TUBGCP5: variants seen among roughly 807,000 people sequenced by gnomAD.
The protein encoded by TUBGCP5 is tubulin gamma complex component 5, also known as gamma-tubulin complex component 5.
In TUBGCP5, 98 loss-of-function variants were observed where a neutral mutation model predicts 134.7. That is an observed-to-expected ratio of 0.73 (90% CI 0.62 to 0.86). The LOEUF (loss-of-function observed/expected upper bound fraction) is 0.86, where lower values mean the gene tolerates loss of function less well. Among genes scored for constraint, TUBGCP5 ranks in the 40% least tolerant of loss-of-function variants. The pLI is 0.00. For missense variants in TUBGCP5, 1,150 were observed against 1,244.8 expected (o/e 0.92, Z 1.15); for synonymous variants, 456 against 431.4 (o/e 1.06, Z -0.71).
In TUBGCP5 at chr15:23,037,905, C is replaced by T. The variant is rs529939842; in HGVS notation, c.147-753G>A. Among the ~76,000 whole-genome samples, 11 of 152,304 alleles carry T rather than the reference C, an allele frequency of 7.2e-5. No homozygotes were observed. The South Asian group carries it at 2.3e-3, about 32-fold the overall frequency. On this transcript the variant is annotated intron_variant, in intron 1 of 22. Coordinates refer to ENST00000615383, the MANE Select transcript of TUBGCP5 (RefSeq NM_052903.6). The stretch of plus-strand genomic sequence containing the variant: ...TCAGCCTCCCAAGTAGCTGGGACTA[C>T]AGGCGCCTGCCACCACGCCCGGCTA...
chr15:22,984,602 G>C (rs1211894900), intron 23 of TUBGCP5, among the ~76,000 whole-genome samples: 1 of 151,448 alleles, frequency 6.6e-6, no homozygotes, highest in Non-Finnish European at 1.5e-5. Flanking sequence ...CCTGGCAACA[G>C]AGAGAGACTC....
At chr15:23,025,757 G>C (rs1179783903) in intron 8 of TUBGCP5, among the ~76,000 whole-genome samples, 1 of 151,714 alleles carries the variant, frequency 6.6e-6, no homozygotes, top group Non-Finnish European at 1.5e-5. Context: ...CGTGAACCCA[G>C]GAGGTGAAGC....
intron 16 of TUBGCP5, 39 bp from the exon 17 acceptor site, chr15:23,006,391 T>A: frequency 1.4e-6 from 2 of 1,413,372 alleles, no homozygotes; most frequent in Non-Finnish European, 2.0e-6. Flanking sequence ...GTGAAAGCAC[T>A]ATGTCACACA....
At chr15:22,990,745 C>T (rs1436364303) in intron 23 of TUBGCP5, among the ~76,000 whole-genome samples, 1 of 152,160 alleles carries the variant, frequency 6.6e-6, no homozygotes, top group Non-Finnish European at 1.5e-5. Flanking sequence ...AGAGTCTTAG[C>T]AGATCTAAGT....
At chr15:22,995,007 G>A (rs1446387099), downstream of TUBGCP5, among the ~76,000 whole-genome samples, 1 of 152,128 alleles carries the variant, frequency 6.6e-6, no homozygotes, top group African/African-American at 2.4e-5. Flanking sequence ...ACTTTGGGAG[G>A]CCCAGGTGGA....
intron 11 of TUBGCP5, among the ~76,000 whole-genome samples, chr15:23,021,298 T>C (rs953327893): frequency 6.6e-6 from 1 of 152,084 alleles, no homozygotes; most frequent in African/African-American, 2.4e-5. Context: ...AAATACAATA[T>C]AAAATATATA....
intron 13 of TUBGCP5, among the ~76,000 whole-genome samples, chr15:23,016,806 A>G (rs1365788384): frequency 6.6e-6 from 1 of 151,816 alleles, no homozygotes; most frequent in Non-Finnish European, 1.5e-5. Context: ...GAACTACTAT[A>G]TGATATAGCA....
chr15:23,012,018 G>A (rs1213050834), intron 13 of TUBGCP5, among the ~76,000 whole-genome samples: 26 of 150,796 alleles, frequency 1.7e-4, no homozygotes, highest in Non-Finnish European at 7.4e-5. Flanking sequence ...GCTGAGGCAC[G>A]AGAACTGCGT....
At position 23,005,527 on chromosome 15, in the gene TUBGCP5, T is replaced by C; in HGVS notation, c.2617A>G (p.Lys873Glu). 1 of 1,614,204 alleles carries C rather than the reference T, an allele frequency of 6.2e-7. No individual in the cohort carries two copies. Among genetic ancestry groups the C allele is most frequent in the Non-Finnish European group, 8.5e-7 (1 of 1,180,034 alleles). Residue 873 changes from lysine (K) to glutamate (E), a missense_variant, in exon 19 of 23, where the codon AAA becomes GAA. Physicochemically the swap from Lys to Glu is moderately conservative, Grantham distance 56 (BLOSUM62 1). Around this residue, in one of 2 missense-constraint regions of TUBGCP5, gnomAD observed 697 missense variants for 850.1 expected, o/e 0.82. Transcript: ENST00000615383. ...TGAATCTGCTGTCTTACTGGTTCTT[T>C]TTGTGGTCCGAACTGAGCAACTGTG... ...QDTVAQFGPQ[K>E]EPVRQQIHRM...
rs577501044 is a variant in TUBGCP5 at position 23,039,552 on chromosome 15, C to A, written c.-9G>T. ...GGCCCGTGCCGCGCCATGTTCCGCG[C>A]TCCTGCAGCGCGCGTCTAACGAATT... is the stretch of plus-strand genomic sequence containing the variant. On this transcript the variant is annotated 5_prime_UTR_variant, in exon 1 of 23. Transcript: ENST00000615383. The A allele has an allele frequency of 1.4e-6, 2 of 1,416,908 alleles. No homozygotes were observed. Among genetic ancestry groups the A allele is most frequent in the Non-Finnish European group, 1.9e-6 (2 of 1,070,532 alleles). 87.8% of individuals were successfully genotyped at this position (1,416,908 alleles called of 1,614,324 possible). A position where few individuals can be genotyped will look rare whatever the true frequency, so the allele number is the denominator to read the frequency against.
chr15:23,012,319 G>C (rs1167942027), intron 13 of TUBGCP5, among the ~76,000 whole-genome samples: 1 of 152,004 alleles, frequency 6.6e-6, no homozygotes. Context: ...ATTTCAAGTA[G>C]ATACAATAAT....
At chr15:23,018,533 G>T (rs2140518880) in intron 12 of TUBGCP5, among the ~76,000 whole-genome samples, 1 of 152,198 alleles carries the variant, frequency 6.6e-6, no homozygotes, top group Admixed American at 6.5e-5. Flanking sequence ...TTGAAGGAAG[G>T]GTCAGTTCAC....
Position 23,039,291 on chromosome 15 carries a change from C to A in TUBGCP5, c.146+107G>T, listed in dbSNP as rs534568459. 6,426 of 1,191,440 alleles carry A rather than the reference C, an allele frequency of 5.4e-3. 33 individuals carry two copies. Among genetic ancestry groups the A allele is most frequent in the Non-Finnish European group, 5.5e-3 (5,249 of 948,064 alleles). The allele number at this position is 1,191,440 out of a possible 1,614,324, so 73.8% of individuals were successfully genotyped here. A position where few individuals can be genotyped will look rare whatever the true frequency, so the allele number is the denominator to read the frequency against. On this transcript the variant is annotated intron_variant, in intron 1 of 22. Coordinates refer to ENST00000615383, the MANE Select transcript of TUBGCP5 (RefSeq NM_052903.6). Reference sequence around the variant, plus strand: ...GAAGGCTCCCTGAGGCCGCGCCCGCCTCCGCCCCATGCCCTGCCCCAGCGC... The same window carrying A: ...GAAGGCTCCCTGAGGCCGCGCCCGCATCCGCCCCATGCCCTGCCCCAGCGC...
intron 23 of TUBGCP5, among the ~76,000 whole-genome samples, chr15:22,989,384 T>C (rs1015884299): frequency 6.6e-6 from 1 of 152,130 alleles, no homozygotes; most frequent in Non-Finnish European, 1.5e-5. Context: ...ATCCAGTAAA[T>C]ACCTTCTAGC....
At chr15:23,030,318 C>T (rs1314717419) in intron 6 of TUBGCP5, among the ~76,000 whole-genome samples, 1 of 152,132 alleles carries the variant, frequency 6.6e-6, no homozygotes, top group Non-Finnish European at 1.5e-5. Context: ...AAAAGTCTGT[C>T]TGTTTCTGGG....
At chr15:23,020,067 A>AG (rs2065581200) in intron 11 of TUBGCP5, among the ~76,000 whole-genome samples, 1 of 152,028 alleles carries the variant, frequency 6.6e-6, no homozygotes, top group Admixed American at 6.5e-5. Context: ...TCACAAGGGC[A>AG]GGAGTTTGAG....
intron 1 of TUBGCP5, among the ~76,000 whole-genome samples, chr15:23,037,926 G>A (rs559524565): frequency 6.6e-6 from 1 of 152,150 alleles, no homozygotes; most frequent in South Asian, 2.1e-4. Context: ...CACCACGCCC[G>A]GCTAATTTTT....
rs758471078 is a variant in TUBGCP5 at position 23,017,945 on chromosome 15, A to G, written c.1584T>C (p.Ser528=). The G allele has an allele frequency of 6.8e-6, 11 of 1,614,056 alleles. No homozygotes were observed. The South Asian group carries it at 1.2e-4, about 18-fold the overall frequency. The change falls in exon 13 of 23, where the codon AGT becomes AGC. Residue 528 remains serine (S), a synonymous_variant. Coordinates refer to ENST00000615383, the MANE Select transcript of TUBGCP5 (RefSeq NM_052903.6). The stretch of plus-strand genomic sequence containing the variant: ...TGCCGGAACTCGCACTAGCGTTATC[A>G]CTCATTTTTTCTTCATTTTCTGTCT... ...SEKTENEEKM[S]DNASASSGSD...
rs1159029131 is a variant in TUBGCP5 at position 23,011,304 on chromosome 15, A to T, written c.1784T>A (p.Leu595His). 4 of 1,613,482 alleles carry T rather than the reference A, an allele frequency of 2.5e-6. No homozygotes were observed. The highest frequency in any genetic ancestry group is 3.4e-6 in the Non-Finnish European group (4 of 1,179,772). Residue 595 changes from leucine (L) to histidine (H), a missense_variant, in exon 14 of 23, where the codon CTC becomes CAC. Transcript: ENST00000615383. ...ACGGGACTGTACAGATTCCAGAAAG[A>T]GAGTGTATAAACTTTTTCTTTCTGC... is the stretch of plus-strand genomic sequence containing the variant. Reference protein sequence around the residue: ...RDAERKSLYTLFLESVQSRLR... With the variant: ...RDAERKSLYTHFLESVQSRLR...
Sources: gnomAD v4.1 joint callset for allele counts (sites outside exome capture counted in the v4.1 genomes callset) on GRCh38, gnomAD v4.1.1 for gene constraint, gnomAD v4.1.1 regional missense constraint, MANE v1.5 for transcripts, NCBI Gene and HGNC (gene_info 2026-07-23, HGNC 2026-07-21) for gene names.